Variants in MTRES1 observed in about 807,000 individuals in gnomAD.
MTRES1 encodes the protein uncharacterized protein C6orf203.
A neutral mutation model predicts 17.4 loss-of-function variants in MTRES1; 11 were observed. That is an observed-to-expected ratio of 0.63 (90% CI 0.40 to 1.05). MTRES1 has a LOEUF of 1.05. MTRES1 is among the 50% of genes least tolerant of loss of function. MTRES1 has a pLI of 0.00. For missense variants in MTRES1, 268 were observed against 276.2 expected (o/e 0.97, Z 0.21); for synonymous variants, 94 against 99.6 (o/e 0.94, Z 0.34).
intron 1 of MTRES1, among the ~76,000 whole-genome samples, chr6:107,029,833 T>G (rs1159400361): frequency 6.6e-6 from 1 of 152,032 alleles, no homozygotes; most frequent in Non-Finnish European, 1.5e-5. Flanking sequence ...CTCAAACTCT[T>G]GGACACAAGC....
intron 2 of MTRES1, among the ~76,000 whole-genome samples, chr6:107,042,383 A>G (rs1441379468): frequency 6.7e-6 from 1 of 149,948 alleles, no homozygotes; most frequent in Admixed American, 6.7e-5. Context: ...GCCAGCCCAC[A>G]GGCCCCACCC....
At chr6:107,029,796 A>T (rs1241860698) in intron 1 of MTRES1, among the ~76,000 whole-genome samples, 1 of 152,042 alleles carries the variant, frequency 6.6e-6, no homozygotes, top group Admixed American at 6.6e-5. Flanking sequence ...TTTTTATTTT[A>T]GATCTCACTG....
intron 1 of MTRES1, among the ~76,000 whole-genome samples, chr6:107,034,620 G>A (rs1309086055): frequency 6.6e-6 from 1 of 152,168 alleles, no homozygotes; most frequent in Non-Finnish European, 1.5e-5. Flanking sequence ...ACTGAGATGG[G>A]CTTGTCGCAA....
At position 107,040,238 on chromosome 6, in the gene MTRES1, T is replaced by C; in HGVS notation, c.470+8T>C. 1 of 1,570,348 alleles carries C rather than the reference T, an allele frequency of 6.4e-7. No individual in the cohort carries two copies. The highest frequency in any genetic ancestry group is 8.6e-7 in the Non-Finnish European group (1 of 1,164,274). On this transcript the variant is annotated splice_region_variant and intron_variant, in intron 2 of 3. Coordinates refer to ENST00000311381, the MANE Select transcript of MTRES1 (RefSeq NM_016487.5). ...GCTAGATATTGGGAGAAAGTGAGTATGATACGCATTTCATTATAAACTCGC... is the reference window on the plus strand; with the variant it reads ...GCTAGATATTGGGAGAAAGTGAGTACGATACGCATTTCATTATAAACTCGC...
At chr6:107,029,248 C>T (rs1268070061) in intron 1 of MTRES1, among the ~76,000 whole-genome samples, 3 of 149,388 alleles carry the variant, frequency 2.0e-5, no homozygotes, top group African/African-American at 7.5e-5. Context: ...AGTGCAGTGG[C>T]GCGATCTCTG....
At chr6:107,049,440 G>A (rs1774513198) in intron 3 of MTRES1, among the ~76,000 whole-genome samples, 1 of 134,528 alleles carries the variant, frequency 7.4e-6, no homozygotes, top group Admixed American at 8.2e-5. Context: ...TGGAGACGGA[G>A]TCTCGCTCTG....
chr6:107,033,794 G>A (rs1254400773), intron 1 of MTRES1, among the ~76,000 whole-genome samples: 1 of 152,000 alleles, frequency 6.6e-6, no homozygotes, highest in African/African-American at 2.4e-5. Flanking sequence ...CTCCAGCCTG[G>A]GCGACAGAAC....
intron 2 of MTRES1, among the ~76,000 whole-genome samples, chr6:107,042,725 G>A (rs1774260681): frequency 6.6e-6 from 1 of 152,166 alleles, no homozygotes; most frequent in South Asian, 2.1e-4. Context: ...CAGAGCAGGT[G>A]TCTGAGGGGA....
intron 1 of MTRES1, among the ~76,000 whole-genome samples, chr6:107,036,880 G>A (rs1774029613): frequency 6.6e-6 from 1 of 150,818 alleles, no homozygotes; most frequent in Admixed American, 6.6e-5. Flanking sequence ...GTTCAATTCT[G>A]AGATTATGTC....
intron 1 of MTRES1, among the ~76,000 whole-genome samples, chr6:107,034,300 G>A (rs556616814): frequency 9.2e-5 from 14 of 152,170 alleles, no homozygotes; most frequent in African/African-American, 3.1e-4. Context: ...GGGGAGTGTG[G>A]GCACCCAGGG....
At chr6:107,037,453 C>T (rs955051144) in intron 1 of MTRES1, among the ~76,000 whole-genome samples, 12 of 152,080 alleles carry the variant, frequency 7.9e-5, no homozygotes, top group African/African-American at 2.9e-4. Context: ...TCAAGTGATC[C>T]TCCCTCCTTG....
intron 2 of MTRES1, among the ~76,000 whole-genome samples, chr6:107,042,858 A>G (rs1554227926): frequency 6.6e-6 from 1 of 152,204 alleles, no homozygotes; most frequent in African/African-American, 2.4e-5. Context: ...CTTGACATCT[A>G]TGCTAAAACC....
intron 2 of MTRES1, among the ~76,000 whole-genome samples, chr6:107,042,611 T>G (rs1349676318): frequency 6.6e-6 from 1 of 152,172 alleles, no homozygotes; most frequent in Middle Eastern, 3.2e-3. Context: ...TTCAGAGAGA[T>G]CAGCAGCTGT....
chr6:107,043,333 C>T (rs1363400085), intron 2 of MTRES1, among the ~76,000 whole-genome samples: 1 of 125,240 alleles, frequency 8.0e-6, no homozygotes, highest in South Asian at 2.5e-4. Flanking sequence ...GACTCCATCT[C>T]AAAAAAAAAA....
intron 3 of MTRES1, 50 bp from the exon 4 acceptor site, chr6:107,051,007 C>T: frequency 6.7e-7 from 1 of 1,483,984 alleles, no homozygotes; most frequent in Non-Finnish European, 9.3e-7. Context: ...TTTGCATTGG[C>T]CTGGATTTCC....
rs531246816 is a variant in MTRES1 at position 107,028,253 on chromosome 6, G to C, written c.-31G>C. 6.6e-6 allele frequency: 1 copy of C among 152,152 alleles called. No individual in the cohort carries two copies. Among genetic ancestry groups the C allele is most frequent in the Non-Finnish European group, 1.5e-5 (1 of 68,052 alleles). 9.4% of individuals were successfully genotyped at this position (152,152 alleles called of 1,614,324 possible). On this transcript the variant is annotated 5_prime_UTR_variant, in exon 1 of 4. Transcript: ENST00000311381. ...AGTCCGCGCGGCCGCGGGGAGGGAC[G>C]AGAGGGCCTGACGTACAGGTGAGTG... is the stretch of plus-strand genomic sequence containing the variant.
chr6:107,045,083 G>C (rs1554228228), intron 3 of MTRES1, among the ~76,000 whole-genome samples: 1 of 151,994 alleles, frequency 6.6e-6, no homozygotes, highest in African/African-American at 2.4e-5. Flanking sequence ...TACTCAGGAG[G>C]CTGAGACGGG....
chr6:107,039,674 G>A (rs1270143268), intron 1 of MTRES1, 75 bp from the exon 2 acceptor site: 3 of 1,444,750 alleles, frequency 2.1e-6, no homozygotes, highest in Non-Finnish European at 2.8e-6. Flanking sequence ...AGCGTTCATA[G>A]TGCATATGGT....
intron 1 of MTRES1, among the ~76,000 whole-genome samples, chr6:107,034,785 C>T (rs183503090): frequency 3.9e-5 from 6 of 152,098 alleles, no homozygotes; most frequent in Non-Finnish European, 5.9e-5. Flanking sequence ...GTCGGGAGTT[C>T]AAGACCAGCC....
Sources: allele counts gnomAD v4.1 joint callset (sites outside exome capture counted in the v4.1 genomes callset), GRCh38; gene constraint gnomAD v4.1.1; transcripts MANE v1.5; gene names NCBI Gene and HGNC (gene_info 2026-07-23, HGNC 2026-07-21).